Variants in CALCR observed in about 807,000 individuals in gnomAD.
The protein encoded by CALCR is calcitonin receptor.
CALCR carries 47 observed loss-of-function variants against 59.5 expected under a neutral mutation model. The ratio of observed to expected loss-of-function variants is 0.79; its 90% CI spans 0.63 to 1.01. CALCR has a LOEUF of 1.01. CALCR is among the 50% of genes least tolerant of loss of function. The probability of loss-of-function intolerance (pLI) is 0.00; values close to 1 mark genes in which losing one functional copy is unlikely to be tolerated. For synonymous variants in CALCR, 213 were observed against 211.3 expected (o/e 1.01, Z -0.07); for missense variants, 566 against 597.1 (o/e 0.95, Z 0.54).
chr7:93,511,316 T>C (rs1480627249), intron 2 of CALCR, among the ~76,000 whole-genome samples: 1 of 152,096 alleles, frequency 6.6e-6, no homozygotes, highest in East Asian at 1.9e-4. Flanking sequence ...TACATGGGTG[T>C]TCATTATACA....
At chr7:93,518,493 A>C (rs1447730673) in intron 2 of CALCR, among the ~76,000 whole-genome samples, 1 of 151,940 alleles carries the variant, frequency 6.6e-6, no homozygotes, top group Non-Finnish European at 1.5e-5. Flanking sequence ...CTTAGCAAAG[A>C]CTAAACTGTC....
rs1316926985 is a variant in CALCR at position 93,426,227 on chromosome 7, C to CA, written c.*128dup. 1.6e-6 allele frequency: 1 copy of CA among 643,142 alleles called. No individual in the cohort carries two copies. Among genetic ancestry groups the CA allele is most frequent in the African/African-American group, 1.8e-5 (1 of 55,304 alleles). 39.8% of individuals were successfully genotyped at this position (643,142 alleles called of 1,614,324 possible). A position where few individuals can be genotyped will look rare whatever the true frequency, so the allele number is the denominator to read the frequency against. On this transcript the variant is annotated 3_prime_UTR_variant, in exon 14 of 14. Transcript: ENST00000426151. The stretch of plus-strand genomic sequence containing the variant: ...TAACTTTCTTCAGATTTACAATGGA[C>CA]AAATTCACTGAATAATTCTTCACAA...
intron 2 of CALCR, among the ~76,000 whole-genome samples, chr7:93,532,124 C>T (rs1354843798): frequency 6.6e-6 from 1 of 151,976 alleles, no homozygotes; most frequent in East Asian, 1.9e-4. Context: ...AAATATATGA[C>T]ATGAATAAAA....
intron 2 of CALCR, among the ~76,000 whole-genome samples, chr7:93,491,760 G>A (rs936754355): frequency 6.6e-6 from 1 of 151,900 alleles, no homozygotes; most frequent in African/African-American, 2.4e-5. Context: ...CATAGATGCT[G>A]GTGAGGCTGT....
chr7:93,484,907 G>GGTTA, intron 3 of CALCR, among the ~76,000 whole-genome samples: 1 of 151,626 alleles, frequency 6.6e-6, no homozygotes, highest in East Asian at 2.0e-4. Flanking sequence ...TTGAGTGGGT[G>GGTTA]GTTATGGTTA....
At chr7:93,449,668 C>T (rs1479064507) in intron 8 of CALCR, among the ~76,000 whole-genome samples, 2 of 151,928 alleles carry the variant, frequency 1.3e-5, no homozygotes, top group African/African-American at 4.8e-5. Context: ...TATCAAGTAT[C>T]CAAACAAGAG....
chr7:93,564,628 A>G (rs1789820076), intron 2 of CALCR, among the ~76,000 whole-genome samples: 1 of 151,712 alleles, frequency 6.6e-6, no homozygotes, highest in African/African-American at 2.4e-5. Context: ...AATTTTTTGT[A>G]TTTTTAGTAG....
intron 2 of CALCR, among the ~76,000 whole-genome samples, chr7:93,517,517 C>T (rs1000232684): frequency 1.3e-5 from 2 of 151,770 alleles, no homozygotes; most frequent in African/African-American, 4.8e-5. Flanking sequence ...TATAGCATTA[C>T]AATCCATAAC....
intron 3 of CALCR, among the ~76,000 whole-genome samples, chr7:93,483,323 A>T (rs7804336): frequency 0.59 from 89,417 of 151,084 alleles, 28,136 homozygotes; most frequent in African/African-American, 0.82. Context: ...CTGTATGTTT[A>T]CAATACAATT....
intron 2 of CALCR, among the ~76,000 whole-genome samples, chr7:93,567,467 C>T (rs1789890167): frequency 6.6e-6 from 1 of 151,882 alleles, no homozygotes; most frequent in Non-Finnish European, 1.5e-5. Context: ...CACCATAAAA[C>T]AAGTATAAAA....
intron 13 of CALCR, among the ~76,000 whole-genome samples, chr7:93,432,685 T>C (rs1584532139): frequency 6.6e-6 from 1 of 152,328 alleles, no homozygotes. Flanking sequence ...AATATTGTGG[T>C]ATTTTTACGA....
chr7:93,547,986 C>T (rs1220876655), intron 2 of CALCR, among the ~76,000 whole-genome samples: 1 of 152,170 alleles, frequency 6.6e-6, no homozygotes, highest in Admixed American at 6.5e-5. Context: ...TGAGACTTCC[C>T]TAAGACAGTG....
chr7:93,542,386 G>A lies in CALCR; in HGVS notation c.-27+31903C>T, dbSNP rs558857577. Among the ~76,000 whole-genome samples, 17 of 152,296 alleles carry A rather than the reference G, an allele frequency of 1.1e-4. No homozygotes were observed. The South Asian group carries it at 3.1e-3, about 28-fold the overall frequency. On this transcript the variant is annotated intron_variant, in intron 2 of 13. Coordinates refer to ENST00000426151, the MANE Select transcript of CALCR (RefSeq NM_001742.4). ...GATACAGTAGAAATATAGTTTAAAA[G>A]ATTTTTAAAATGGTATACCTGTGTA...
chr7:93,437,427 C>T (rs1314755904), intron 11 of CALCR, among the ~76,000 whole-genome samples: 1 of 152,016 alleles, frequency 6.6e-6, no homozygotes, highest in Non-Finnish European at 1.5e-5. Context: ...CCAAAAGTAC[C>T]TGAAAGATTA....
At chr7:93,438,029 A>T in intron 11 of CALCR, 31 bp downstream of exon 11, 1 of 1,537,034 alleles carries the variant, frequency 6.5e-7, no homozygotes, top group Non-Finnish European at 9.0e-7. Context: ...AGATAATACT[A>T]CTAATATTGC....
At chr7:93,490,409 A>AT (rs1365716587) in intron 2 of CALCR, among the ~76,000 whole-genome samples, 1 of 151,606 alleles carries the variant, frequency 6.6e-6, no homozygotes, top group African/African-American at 2.4e-5. Flanking sequence ...CCAGGGCAAT[A>AT]ATCAGGCAAG....
intron 2 of CALCR, among the ~76,000 whole-genome samples, chr7:93,550,598 AAC>A (rs201729250): frequency 0.016 from 1,899 of 121,868 alleles, 21 homozygotes; most frequent in South Asian, 0.041. Context: ...ATTTGGGCTA[AAC>A]ACACACACAC....
chr7:93,532,424 T>C (rs1788862642), intron 2 of CALCR, among the ~76,000 whole-genome samples: 2 of 152,036 alleles, frequency 1.3e-5, no homozygotes, highest in Admixed American at 6.6e-5. Flanking sequence ...CTCCTCTTTT[T>C]GCCTTAGGCA....
chr7:93,449,331 G>T (rs557188697), intron 8 of CALCR, among the ~76,000 whole-genome samples: 11 of 152,156 alleles, frequency 7.2e-5, no homozygotes, highest in African/African-American at 2.6e-4. Flanking sequence ...TGAAGGAAAA[G>T]ACATTTTAAG....
Sources: gnomAD v4.1 joint callset for allele counts (sites outside exome capture counted in the v4.1 genomes callset) on GRCh38, gnomAD v4.1.1 for gene constraint, MANE v1.5 for transcripts, NCBI Gene and HGNC (gene_info 2026-07-23, HGNC 2026-07-21) for gene names.